The following SERP2 variants were observed in gnomAD, a reference collection of about 807,000 sequenced individuals.
SERP2 encodes the protein stress-associated endoplasmic reticulum protein 2.
A neutral mutation model predicts 9.1 loss-of-function variants in SERP2; 6 were observed. The observed-to-expected ratio is 0.66, with a 90% CI of 0.36 to 1.30. The LOEUF is 1.30. SERP2 is among the 50% of genes most tolerant of loss of function. SERP2 has a pLI of 0.03. For synonymous variants in SERP2, 37 were observed against 27.3 expected (o/e 1.35, Z -1.10); for missense variants, 58 against 81.9 (o/e 0.71, Z 1.13).
intron 2 of SERP2, among the ~76,000 whole-genome samples, chr13:44,391,498 T>G (rs1872764880): frequency 6.6e-6 from 1 of 152,140 alleles, no homozygotes; most frequent in Admixed American, 6.5e-5. Context: ...AAAGATGAGT[T>G]AATCAAGTAA....
At chr13:44,386,321 C>T (rs1312755093) in intron 2 of SERP2, among the ~76,000 whole-genome samples, 2 of 152,220 alleles carry the variant, frequency 1.3e-5, no homozygotes, top group Non-Finnish European at 2.9e-5. Flanking sequence ...TCTTCTGAGA[C>T]ACGGTATTAT....
At chr13:44,391,149 A>G (rs969135402) in intron 2 of SERP2, 4 of 152,080 alleles carry the variant, frequency 2.6e-5, no homozygotes, top group Non-Finnish European at 5.9e-5. Context: ...CCCACTTGTT[A>G]TGTCATCCCT....
intron 2 of SERP2, among the ~76,000 whole-genome samples, chr13:44,395,273 T>C (rs1044946826): frequency 1.9e-4 from 29 of 152,258 alleles, no homozygotes; most frequent in Non-Finnish European, 3.1e-4. Context: ...AGCTTATAAA[T>C]TGTTGTAGGG....
chr13:44,374,251 G>GT, intron 1 of SERP2, 142 bp downstream of exon 1: 1 of 540,322 alleles, frequency 1.9e-6, no homozygotes, highest in Non-Finnish European at 3.0e-6. Flanking sequence ...GTCCTGCAGA[G>GT]TGGGGGCTGA....
chr13:44,397,230 G>T, intron 2 of SERP2, 42 bp from the exon 3 acceptor site: 1 of 1,589,742 alleles, frequency 6.3e-7, no homozygotes, highest in Middle Eastern at 1.7e-4. Flanking sequence ...TTCCAGCTGT[G>T]TGCAGTCTGG....
At chr13:44,389,745 G>C (rs1408869342) in intron 2 of SERP2, among the ~76,000 whole-genome samples, 1 of 152,060 alleles carries the variant, frequency 6.6e-6, no homozygotes, top group African/African-American at 2.4e-5. Flanking sequence ...ACCTCTGCAG[G>C]GATAGCTAGA....
At position 44,393,984 on chromosome 13, in the gene SERP2, G is replaced by A. The variant is rs1010902542; in HGVS notation, c.158-3288G>A. ...TTCATCTGTGAACATGTTAAGGATC[G>A]CTGGACTCTTATATGTTAATTCATG... On this transcript the variant is annotated intron_variant, in intron 2 of 2. Transcript: ENST00000379179. Among the ~76,000 whole-genome samples, 8 of 152,146 alleles carry A rather than the reference G, an allele frequency of 5.3e-5. No individual in the cohort carries two copies. In the South Asian group the frequency reaches 8.3e-4, roughly 16 times the overall value.
chr13:44,374,225 C>A, intron 1 of SERP2, 116 bp downstream of exon 1: 3 of 691,944 alleles, frequency 4.3e-6, no homozygotes, highest in Non-Finnish European at 6.4e-6. Flanking sequence ...GGCTCCCGGC[C>A]CGCCCCTTCT....
Position 44,379,646 on chromosome 13 carries a change from G to A in SERP2, c.90G>A (p.Pro30=), listed in dbSNP as rs762287502. 56 of 1,610,684 alleles carry A rather than the reference G, an allele frequency of 3.5e-5. No individual in the cohort carries two copies. The South Asian group carries it at 4.5e-4, about 13-fold the overall frequency. ...TTTTTCCCATTCCCTTTTAGAGGCC[G>A]CAAGAGGAGAAATATCCTGTGGGAC... is the stretch of plus-strand genomic sequence containing the variant. The part of the protein sequence containing the change: ...QRGNVAKTLR[P]QEEKYPVGPW... Residue 30 remains proline, a synonymous_variant, in exon 2 of 3, where the codon CCG becomes CCA. Coordinates refer to ENST00000379179, the MANE Select transcript of SERP2 (RefSeq NM_001010897.3).
intron 2 of SERP2, among the ~76,000 whole-genome samples, chr13:44,381,305 G>A (rs1243883040): frequency 6.6e-6 from 1 of 151,612 alleles, no homozygotes; most frequent in Non-Finnish European, 1.5e-5. Flanking sequence ...ACTTTGGGAG[G>A]CCGAGGTGGG....
intron 1 of SERP2, among the ~76,000 whole-genome samples, chr13:44,375,360 A>C (rs1324643609): frequency 6.6e-6 from 1 of 152,034 alleles, no homozygotes; most frequent in Admixed American, 6.6e-5. Flanking sequence ...GCATAACTCA[A>C]CTCTACTCAG....
At chr13:44,394,614 G>A (rs1258136928) in intron 2 of SERP2, among the ~76,000 whole-genome samples, 2 of 152,204 alleles carry the variant, frequency 1.3e-5, no homozygotes, top group African/African-American at 2.4e-5. Context: ...AAGAGTAAGC[G>A]AGAAGTAATA....
chr13:44,391,126 C>G (rs1265105968), intron 2 of SERP2: 1 of 152,188 alleles, frequency 6.6e-6, no homozygotes, highest in Admixed American at 6.5e-5. Flanking sequence ...CTTTCTGACA[C>G]TTTCCTATGG....
chr13:44,385,234 T>C lies in SERP2; in HGVS notation c.157+5521T>C, dbSNP rs568293792. On this transcript the variant is annotated intron_variant, in intron 2 of 2. Coordinates refer to ENST00000379179, the MANE Select transcript of SERP2 (RefSeq NM_001010897.3). ...CAGCTTCTCTCCTGTGGCTTCCTCC[T>C]CCTCTGCATGTGCCTTTCATGCCTG... 1.3e-3 allele frequency among the ~76,000 whole-genome samples: 203 copies of C among 152,310 alleles called. 1 individual carries two copies. Among genetic ancestry groups the C allele is most frequent in the African/African-American group, 4.5e-3 (189 of 41,564 alleles).
chr13:44,395,628 C>T (rs555601954), intron 2 of SERP2, among the ~76,000 whole-genome samples: 1 of 150,662 alleles, frequency 6.6e-6, no homozygotes, highest in Non-Finnish European at 1.5e-5. Flanking sequence ...AAAAAAAGAC[C>T]CACCCAAGAA....
chr13:44,373,932 C>G lies in SERP2; in HGVS notation c.-94C>G. 8.2e-7 allele frequency: 1 copy of G among 1,223,168 alleles called. No homozygotes were observed. The allele number at this position is 1,223,168 out of a possible 1,614,324, so 75.8% of individuals were successfully genotyped here. A position where few individuals can be genotyped will look rare whatever the true frequency, so the allele number is the denominator to read the frequency against. On this transcript the variant is annotated 5_prime_UTR_variant, in exon 1 of 3. Coordinates refer to ENST00000379179, the MANE Select transcript of SERP2 (RefSeq NM_001010897.3). The surrounding 1 kb of genome is among the most constrained non-coding windows in gnomAD (Gnocchi z 4.8). Reference sequence around the variant, plus strand: ...TTGCCACCTGCAGCGCCCGGGTGGGCCGCGGGGGCCTCGGCGGGACGCGCT... The same window carrying G: ...TTGCCACCTGCAGCGCCCGGGTGGGGCGCGGGGGCCTCGGCGGGACGCGCT...
chr13:44,387,564 G>C (rs572753819), intron 2 of SERP2, among the ~76,000 whole-genome samples: 28 of 152,218 alleles, frequency 1.8e-4, no homozygotes, highest in African/African-American at 6.7e-4. Flanking sequence ...CTACCTGTTT[G>C]GATAATTTTA....
chr13:44,392,326 T>C (rs1474830109), intron 2 of SERP2, among the ~76,000 whole-genome samples: 1 of 151,392 alleles, frequency 6.6e-6, no homozygotes, highest in African/African-American at 2.4e-5. Context: ...GGGACCATGA[T>C]GTGCAGGTCA....
At chr13:44,377,957 T>C (rs369080422) in intron 1 of SERP2, among the ~76,000 whole-genome samples, 2 of 152,314 alleles carry the variant, frequency 1.3e-5, no homozygotes, top group South Asian at 2.1e-4. Context: ...GAGACAGATA[T>C]TAAACACATT....
Sources: allele counts gnomAD v4.1 joint callset (sites outside exome capture counted in the v4.1 genomes callset), GRCh38; gene constraint gnomAD v4.1.1; non-coding constraint Gnocchi (gnomAD v3.1); transcripts MANE v1.5; gene names NCBI Gene and HGNC (gene_info 2026-07-23, HGNC 2026-07-21).